The following LRFN1 variants were observed in gnomAD, a reference collection of about 807,000 sequenced individuals.
LRFN1 encodes leucine-rich repeat and fibronectin type III domain-containing protein 1.
A neutral mutation model predicts 31.8 loss-of-function variants in LRFN1; 20 were observed. The ratio of observed to expected loss-of-function variants is 0.63; its 90% confidence interval spans 0.44 to 0.91. The LOEUF (loss-of-function observed/expected upper bound fraction) is 0.91, where lower values mean the gene tolerates loss of function less well. Among genes scored for constraint, LRFN1 ranks in the 40% least tolerant of loss-of-function variants. The pLI, the probability that LRFN1 is intolerant of heterozygous loss-of-function variation, is 0.00. For synonymous variants in LRFN1, 514 were observed against 541.3 expected, an observed-to-expected ratio of 0.95 and a Z score of 0.70; for missense variants, 912 against 1,129.8, an observed-to-expected ratio of 0.81 and a Z score of 2.76.
chr19:39,309,505 A>C (rs1401732983), intron 4 of LRFN1, among the ~76,000 whole-genome samples: 3 of 149,884 alleles, frequency 2.0e-5, no homozygotes, highest in South Asian at 2.1e-4. Flanking sequence ...AAAAAAAAAA[A>C]AACCATCTAG....
intron 1 of LRFN1, among the ~76,000 whole-genome samples, chr19:39,319,440 C>T (rs1471649210): frequency 6.6e-6 from 1 of 151,762 alleles, no homozygotes; most frequent in Admixed American, 6.6e-5. Context: ...ACCTCACACA[C>T]ACACACACAC....
rs753772455 is a variant in LRFN1 at position 39,315,210 on chromosome 19, C to G, written c.127G>C (p.Val43Leu). Residue 43 changes from valine to leucine, a missense_variant, in exon 4 of 5, where the codon GTG becomes CTG. By Grantham distance (32) the Val-to-Leu change is conservative (BLOSUM62 1). This residue lies in a region of LRFN1 where 401 missense variants were observed against 572.7 expected (regional missense o/e 0.70). Transcript: ENST00000248668. The surrounding 1 kb of genome is among the most constrained non-coding windows in gnomAD (Gnocchi z 4.7). ...CACAGCATTGTCAGTGTGGGCGCCA[C>G]GTTCTGGCAGATGCAGCGGCCGGGG... ...PCPGRCICQN[V>L]APTLTMLCAK... 2.5e-6 allele frequency: 4 copies of G among 1,577,560 alleles called. No individual in the cohort carries two copies. Among genetic ancestry groups the G allele is most frequent in the Admixed American group, 1.7e-5 (1 of 57,460 alleles).
chr19:39,308,045 G>A lies in LRFN1; in HGVS notation c.1904C>T (p.Pro635Leu), dbSNP rs767469727. 4 of 1,529,138 alleles carry A rather than the reference G, an allele frequency of 2.6e-6. No homozygotes were observed. The highest frequency in any genetic ancestry group is 3.5e-6 in the Non-Finnish European group (4 of 1,143,008). The allele number at this position is 1,529,138 out of a possible 1,614,324, so 94.7% of individuals were successfully genotyped here. ...AMEAETASAE[P>L]EVVLGRSLGG... ...CAGAGAACGTCCAAGGACCACCTCCGGCTCCGCGGATGCCGTCTCGGCCTC... is the reference window on the plus strand; with the variant it reads ...CAGAGAACGTCCAAGGACCACCTCCAGCTCCGCGGATGCCGTCTCGGCCTC... Residue 635 changes from proline (P) to leucine (L), a missense_variant, in exon 5 of 5, where the codon CCG becomes CTG. This residue lies in a region of LRFN1 where 511 missense variants were observed against 557.0 expected (regional missense o/e 0.92). Transcript: ENST00000248668. The surrounding 1 kb of genome is among the most constrained non-coding windows in gnomAD (Gnocchi z 6.2).
rs1344712701 is a variant in LRFN1 at position 39,315,015 on chromosome 19, C to T, written c.322G>A (p.Ala108Thr). 6.3e-7 allele frequency: 1 copy of T among 1,593,256 alleles called. No homozygotes were observed. Among genetic ancestry groups the T allele is most frequent in the Non-Finnish European group, 8.5e-7 (1 of 1,176,930 alleles). Reference sequence around the variant, plus strand: ...CGGAGGGCACGCAGGTCGGCGAAGGCGCCAGCTGCCACCTGGCCGATGGTG... The same window carrying T: ...CGGAGGGCACGCAGGTCGGCGAAGGTGCCAGCTGCCACCTGGCCGATGGTG... ...RNTIGQVAAG[A>T]FADLRALRAL... The change falls in exon 4 of 5, where the codon GCC becomes ACC. Residue 108 changes from alanine to threonine, a missense_variant. Coordinates refer to ENST00000248668, the MANE Select transcript of LRFN1 (RefSeq NM_020862.2). This position sits in a 1 kb window ranked among gnomAD's most constrained non-coding sequence, Gnocchi z 4.7.
At chr19:39,309,491 A>AAAAAAAAAAAAAAAAAAAAAAAAAC in intron 4 of LRFN1, among the ~76,000 whole-genome samples, 1 of 148,062 alleles carries the variant, frequency 6.8e-6, no homozygotes, top group African/African-American at 2.5e-5. Flanking sequence ...AAAAAAAAAA[A>AAAAAAAAAAAAAAAAAAAAAAAAAC]AAAAAAAAAA....
intron 1 of LRFN1, among the ~76,000 whole-genome samples, chr19:39,320,464 G>C (rs932948866): frequency 3.1e-4 from 47 of 151,818 alleles, no homozygotes; most frequent in African/African-American, 1.1e-3. Flanking sequence ...CCCACACCTG[G>C]GCACACAACC....
rs1394672649 is a variant in LRFN1 at position 39,307,818 on chromosome 19, C to A, written c.2131G>T (p.Gly711Trp). Reference sequence around the variant, plus strand: ...TAACTGTGGCTCTGGAATAGTGCCCCGTAGTCCCCGTCGAACGAATAGCGC... The same window carrying A: ...TAACTGTGGCTCTGGAATAGTGCCCAGTAGTCCCCGTCGAACGAATAGCGC... Reference protein sequence around the residue: ...QQRYSFDGDYGALFQSHSYPR... With the variant: ...QQRYSFDGDYWALFQSHSYPR... Residue 711 changes from glycine (G) to tryptophan (W), a missense_variant, in exon 5 of 5, where the codon GGG (glycine) becomes TGG (tryptophan). Gly to Trp is a radical substitution (Grantham distance 184). This residue lies in a region of LRFN1 where 511 missense variants were observed against 557.0 expected (regional missense o/e 0.92). Transcript: ENST00000248668. This position sits in a 1 kb window ranked among gnomAD's most constrained non-coding sequence, Gnocchi z 6.7. The A allele has an allele frequency of 5.4e-6, 8 of 1,492,680 alleles. No individual in the cohort carries two copies. Among genetic ancestry groups the A allele is most frequent in the Non-Finnish European group, 7.1e-6 (8 of 1,127,776 alleles). The allele number at this position is 1,492,680 out of a possible 1,614,324, so 92.5% of individuals were successfully genotyped here.
rs565144970 is a variant in LRFN1, at chr19:39,308,761, C to A, written c.1407-219G>T. 3.3e-5 allele frequency among the ~76,000 whole-genome samples: 5 copies of A among 152,322 alleles called. No individual in the cohort carries two copies. The highest frequency in any genetic ancestry group is 1.2e-4 in the African/African-American group (5 of 41,572). ...CCCCGCCCTCAGACCCACCTCCTGG[C>A]TGTGTCCCATCACCCACTGGGACAA... On this transcript the variant is annotated intron_variant, in intron 4 of 4. Transcript: ENST00000248668. The surrounding 1 kb of genome is among the most constrained non-coding windows in gnomAD (Gnocchi z 6.2).
chr19:39,309,184 A>C (rs190821416), intron 4 of LRFN1, among the ~76,000 whole-genome samples: 2 of 152,274 alleles, frequency 1.3e-5, no homozygotes, highest in East Asian at 3.9e-4. Flanking sequence ...GGCCGGCTGC[A>C]GTGGCTCACG....
In LRFN1 at chr19:39,308,397, C is replaced by T. The variant is rs1467032965; in HGVS notation, c.1552G>A (p.Ala518Thr). 1 of 1,611,366 alleles carries T rather than the reference C, an allele frequency of 6.2e-7. No homozygotes were observed. Among genetic ancestry groups the T allele is most frequent in the Non-Finnish European group, 8.5e-7 (1 of 1,179,254 alleles). ...GGGCGGCAGGGCGCCGGATCCCCAGCGGTGGTGAACTGTACACAGCCCACC... is the reference window on the plus strand; with the variant it reads ...GGGCGGCAGGGCGCCGGATCCCCAGTGGTGGTGAACTGTACACAGCCCACC... ...RVVGCVQFTT[A>T]GDPAPCRPLR... is the part of the protein sequence containing the mutation. Residue 518 changes from alanine to threonine, a missense_variant, in exon 5 of 5, where the codon GCT becomes ACT. Physicochemically the swap from Ala to Thr is moderately conservative, Grantham distance 58. Coordinates refer to ENST00000248668, the MANE Select transcript of LRFN1 (RefSeq NM_020862.2). This position sits in a 1 kb window ranked among gnomAD's most constrained non-coding sequence, Gnocchi z 6.2.
rs2075167124 is a variant in LRFN1 at position 39,315,129 on chromosome 19, G to C, written c.208C>G (p.Leu70Val). 1 of 1,592,720 alleles carries C rather than the reference G, an allele frequency of 6.3e-7. No homozygotes were observed. Among genetic ancestry groups the C allele is most frequent in the Non-Finnish European group, 8.5e-7 (1 of 1,176,938 alleles). ...GCGATGAAGTTGTCGGTGAGCCGCAGCTCCACCACGCGCCGGTCGATGGCG... is the reference window on the plus strand; with the variant it reads ...GCGATGAAGTTGTCGGTGAGCCGCACCTCCACCACGCGCCGGTCGATGGCG... Reference protein sequence around the residue: ...PPAIDRRVVELRLTDNFIAAV... With the variant: ...PPAIDRRVVEVRLTDNFIAAV... Residue 70 changes from leucine to valine, a missense_variant, in exon 4 of 5, where the codon CTG becomes GTG. This residue lies in a region of LRFN1 where 401 missense variants were observed against 572.7 expected (regional missense o/e 0.70). Coordinates refer to ENST00000248668, the MANE Select transcript of LRFN1 (RefSeq NM_020862.2). The surrounding 1 kb of genome is among the most constrained non-coding windows in gnomAD (Gnocchi z 4.7).
intron 4 of LRFN1, among the ~76,000 whole-genome samples, chr19:39,312,199 T>C (rs1370152281): frequency 1.3e-5 from 2 of 150,984 alleles, no homozygotes; most frequent in African/African-American, 4.9e-5. Context: ...CAACCAACAC[T>C]GGGAAAGCAC....
Position 39,307,592 on chromosome 19 carries a change from T to A in LRFN1, c.*41A>T. ...CCCCAGCGTCCGTGCGGCTGGGCGTTTGGTCTGCGGCACCCAGGCGTCCCG... is the reference window on the plus strand; with the variant it reads ...CCCCAGCGTCCGTGCGGCTGGGCGTATGGTCTGCGGCACCCAGGCGTCCCG... On this transcript the variant is annotated 3_prime_UTR_variant, in exon 5 of 5. Transcript: ENST00000248668. This position sits in a 1 kb window ranked among gnomAD's most constrained non-coding sequence, Gnocchi z 6.7. 7.3e-7 allele frequency: 1 copy of A among 1,368,832 alleles called. No homozygotes were observed. Among genetic ancestry groups the A allele is most frequent in the Non-Finnish European group, 9.4e-7 (1 of 1,067,682 alleles). The allele number at this position is 1,368,832 out of a possible 1,614,324, so 84.8% of individuals were successfully genotyped here.
chr19:39,310,658 T>A (rs1191980659), intron 4 of LRFN1, among the ~76,000 whole-genome samples: 1 of 151,962 alleles, frequency 6.6e-6, no homozygotes, highest in African/African-American at 2.4e-5. Flanking sequence ...TCTTGGTGGG[T>A]CCCGGGAGAC....
chr19:39,315,256 C>A lies in LRFN1; in HGVS notation c.81G>T (p.Gly27=), dbSNP rs1298819336. 2.6e-6 allele frequency: 4 copies of A among 1,539,512 alleles called. No homozygotes were observed. In the African/African-American group the frequency reaches 5.4e-5, roughly 21 times the overall value. The change falls in exon 4 of 5, where the codon GGG becomes GGT. Residue 27 remains glycine (G), a synonymous_variant. Transcript: ENST00000248668. The surrounding 1 kb of genome is among the most constrained non-coding windows in gnomAD (Gnocchi z 4.7). ...ALPFLLLLWA[G]ASRGQPCPGR... ...CGGGGCAGGGCTGGCCACGAGATGC[C>A]CCCGCCCAGAGCAGCAGCAGAAAGG...
At chr19:39,320,089 C>A (rs2075183316) in intron 1 of LRFN1, among the ~76,000 whole-genome samples, 1 of 147,146 alleles carries the variant, frequency 6.8e-6, no homozygotes, top group African/African-American at 2.5e-5. Context: ...TGTCCACCTC[C>A]TGGCCGCCCA....
rs1036848559 is a variant in LRFN1, at chr19:39,308,807, C to A, written c.1407-265G>T. ...GACAATATATCTATCATTCGTATTA[C>A]CTCCTCTGCATATCCCGGCCCCTGC... On this transcript the variant is annotated intron_variant, in intron 4 of 4. Coordinates refer to ENST00000248668, the MANE Select transcript of LRFN1 (RefSeq NM_020862.2). This position sits in a 1 kb window ranked among gnomAD's most constrained non-coding sequence, Gnocchi z 6.2. 6.6e-6 allele frequency among the ~76,000 whole-genome samples: 1 copy of A among 152,220 alleles called. No homozygotes were observed. The highest frequency in any genetic ancestry group is 1.5e-5 in the Non-Finnish European group (1 of 68,046).
Position 39,308,566 on chromosome 19 carries a change from G to GGGGGGTT in LRFN1, c.1407-25_1407-24insAACCCCC. ...TCCTGTAGGAGGGGGCGGGTTCAGG[G>GGGGGGTT]CGGGGTTAGTCCCCCCGAACCACGC... On this transcript the variant is annotated intron_variant, in intron 4 of 4. Coordinates refer to ENST00000248668, the MANE Select transcript of LRFN1 (RefSeq NM_020862.2). This position sits in a 1 kb window ranked among gnomAD's most constrained non-coding sequence, Gnocchi z 6.2. The GGGGGGTT allele has an allele frequency of 6.5e-7, 1 of 1,540,212 alleles. No individual in the cohort carries two copies. Among genetic ancestry groups the GGGGGGTT allele is most frequent in the Non-Finnish European group, 8.8e-7 (1 of 1,141,284 alleles).
In LRFN1 at chr19:39,314,095, C is replaced by G. The variant is rs777529712; in HGVS notation, c.1242G>C (p.Pro414=). 1 of 1,612,278 alleles carries G rather than the reference C, an allele frequency of 6.2e-7. No individual in the cohort carries two copies. Residue 414 remains proline, a synonymous_variant, in exon 4 of 5, where the codon CCG becomes CCC. Coordinates refer to ENST00000248668, the MANE Select transcript of LRFN1 (RefSeq NM_020862.2). ...TEPGSSDIAT[P]GRPGANDSAA... ...CAGAATCGTTGGCACCTGGTCTGCC[C>G]GGCGTGGCGATGTCAGAGGAGCCGG...
Sources: allele counts gnomAD v4.1 joint callset (sites outside exome capture counted in the v4.1 genomes callset), GRCh38; gene constraint gnomAD v4.1.1; regional missense constraint gnomAD v4.1.1; non-coding constraint Gnocchi (gnomAD v3.1); transcripts MANE v1.5; gene names NCBI Gene and HGNC (gene_info 2026-07-23, HGNC 2026-07-21).